FHIP1A: variants seen among roughly 807,000 people sequenced by gnomAD.
FHIP1A encodes FHF complex subunit HOOK interacting protein 1A, also known as FHF complex subunit HOOK-interacting protein 1A.
In FHIP1A, 61 loss-of-function variants were observed where a neutral mutation model predicts 88.6. The observed-to-expected ratio is 0.69, with a 90% confidence interval of 0.56 to 0.85. FHIP1A has a LOEUF of 0.85. Among genes scored for constraint, FHIP1A ranks in the 40% least tolerant of loss-of-function variants. The pLI, the probability that FHIP1A is intolerant of heterozygous loss-of-function variation, is 0.00. For synonymous variants in FHIP1A, 478 were observed against 496.0 expected (o/e 0.96, Z 0.48); for missense variants, 1,154 against 1,273.5 (o/e 0.91, Z 1.43).
At chr4:151,612,932 G>C (rs578056697) in intron 7 of FHIP1A, among the ~76,000 whole-genome samples, 2 of 152,232 alleles carry the variant, frequency 1.3e-5, no homozygotes, top group African/African-American at 4.8e-5. Flanking sequence ...TAGTGCTAGA[G>C]ACGCGACACC....
chr4:151,530,425 TCCTCAGTTAGGTA>T (rs1248522777), intron 3 of FHIP1A, among the ~76,000 whole-genome samples: 1 of 152,188 alleles, frequency 6.6e-6, no homozygotes. Context: ...CCACTGCCTC[TCCTCAGTTAGGTA>T]CCTTCCTGAT....
chr4:151,477,456 C>T (rs1045067390), intron 2 of FHIP1A, among the ~76,000 whole-genome samples: 15 of 152,000 alleles, frequency 9.9e-5, no homozygotes, highest in African/African-American at 3.4e-4. Flanking sequence ...TATGTACATA[C>T]GGCCCTTCTA....
intron 1 of FHIP1A, among the ~76,000 whole-genome samples, chr4:151,429,332 G>T (rs1487025475): frequency 1.3e-5 from 2 of 152,196 alleles, no homozygotes; most frequent in Admixed American, 1.3e-4. Flanking sequence ...TAACATGAAA[G>T]AATGGAATTA....
Position 151,662,834 on chromosome 4 carries a change from T to C in FHIP1A, c.*80T>C. On this transcript the variant is annotated 3_prime_UTR_variant, in exon 14 of 14. Coordinates refer to ENST00000435205, the MANE Select transcript of FHIP1A (RefSeq NM_001109977.3). Reference sequence around the variant, plus strand: ...ACTGAATGTTAAATGCAAAGCTGCTTACAAAGATTTCTACTTTAATGTTTC... The same window carrying C: ...ACTGAATGTTAAATGCAAAGCTGCTCACAAAGATTTCTACTTTAATGTTTC... 2 of 1,263,506 alleles carry C rather than the reference T, an allele frequency of 1.6e-6. No homozygotes were observed. The highest frequency in any genetic ancestry group is 1.8e-5 in the South Asian group (1 of 56,650). 78.3% of individuals were successfully genotyped at this position (1,263,506 alleles called of 1,614,324 possible).
intron 3 of FHIP1A, among the ~76,000 whole-genome samples, chr4:151,519,177 A>C (rs1413073195): frequency 6.6e-6 from 1 of 152,188 alleles, no homozygotes; most frequent in Non-Finnish European, 1.5e-5. Flanking sequence ...AGTCTGTCAT[A>C]ATATAGATTA....
intron 3 of FHIP1A, among the ~76,000 whole-genome samples, chr4:151,528,882 T>C (rs1731776112): frequency 6.6e-6 from 1 of 152,216 alleles, no homozygotes; most frequent in South Asian, 2.1e-4. Context: ...TGAGAGCTTC[T>C]GGACTTTATT....
At chr4:151,647,325 A>C (rs963169786) in intron 10 of FHIP1A, among the ~76,000 whole-genome samples, 30 of 152,288 alleles carry the variant, frequency 2.0e-4, no homozygotes, top group Non-Finnish European at 3.5e-4. Flanking sequence ...ATCTCTGTCA[A>C]CCTTGGCCCT....
At chr4:151,550,606 T>C (rs1050853968) in intron 3 of FHIP1A, among the ~76,000 whole-genome samples, 1 of 152,194 alleles carries the variant, frequency 6.6e-6, no homozygotes, top group Non-Finnish European at 1.5e-5. Flanking sequence ...CTAGCAAAGG[T>C]AATATTCTTT....
intron 7 of FHIP1A, among the ~76,000 whole-genome samples, chr4:151,600,559 G>A (rs940315803): frequency 6.6e-6 from 1 of 152,186 alleles, no homozygotes; most frequent in African/African-American, 2.4e-5. Flanking sequence ...CTCAAACTTA[G>A]TGACTTAAAA....
chr4:151,438,622 T>TTTTTA (rs10642156), intron 1 of FHIP1A, among the ~76,000 whole-genome samples: 1 of 149,634 alleles, frequency 6.7e-6, no homozygotes, highest in Non-Finnish European at 1.5e-5. Context: ...TTTTTTTTTT[T>TTTTTA]AAAGGCAAAA....
At chr4:151,657,291 T>A (rs1017212440) in intron 13 of FHIP1A, among the ~76,000 whole-genome samples, 1 of 152,226 alleles carries the variant, frequency 6.6e-6, no homozygotes, top group African/African-American at 2.4e-5. Flanking sequence ...GTGTTCTCTT[T>A]ATTATGTTTT....
intron 2 of FHIP1A, among the ~76,000 whole-genome samples, chr4:151,456,528 T>G (rs1010707096): frequency 6.6e-6 from 1 of 152,166 alleles, no homozygotes; most frequent in African/African-American, 2.4e-5. Context: ...CTTATGGGAC[T>G]TCTTAAGGGC....
chr4:151,643,940 C>G (rs148433330), intron 9 of FHIP1A, among the ~76,000 whole-genome samples: 1 of 152,326 alleles, frequency 6.6e-6, no homozygotes, highest in African/African-American at 2.4e-5. Context: ...AAGCTACCCA[C>G]TGGTGATATT....
chr4:151,459,594 A>G (rs973159534), intron 2 of FHIP1A, among the ~76,000 whole-genome samples: 6 of 152,194 alleles, frequency 3.9e-5, no homozygotes, highest in African/African-American at 1.4e-4. Context: ...ATTTGGCCAG[A>G]TCTCAAGTGA....
chr4:151,530,218 G>C (rs1731821919), intron 3 of FHIP1A, among the ~76,000 whole-genome samples: 1 of 152,172 alleles, frequency 6.6e-6, no homozygotes, highest in South Asian at 2.1e-4. Flanking sequence ...GAGCATTCCT[G>C]AAGTAGATCC....
intron 3 of FHIP1A, among the ~76,000 whole-genome samples, chr4:151,495,625 CTTT>C: frequency 7.4e-6 from 1 of 135,102 alleles, no homozygotes; most frequent in Admixed American, 7.4e-5. Flanking sequence ...GCTATATATT[CTTT>C]TTTTTTTTTT....
chr4:151,481,625 G>A (rs1729897913), intron 2 of FHIP1A, among the ~76,000 whole-genome samples: 1 of 151,996 alleles, frequency 6.6e-6, no homozygotes, highest in Non-Finnish European at 1.5e-5. Context: ...TAAAAGAATG[G>A]CTACTCCATA....
At chr4:151,481,102 C>T (rs1729880177) in intron 2 of FHIP1A, among the ~76,000 whole-genome samples, 1 of 151,978 alleles carries the variant, frequency 6.6e-6, no homozygotes, top group South Asian at 2.1e-4. Context: ...CCCCTCAACC[C>T]ATCTAAAGAT....
chr4:151,621,780 C>G (rs1337643779), intron 7 of FHIP1A, among the ~76,000 whole-genome samples: 1 of 151,416 alleles, frequency 6.6e-6, no homozygotes, highest in African/African-American at 2.4e-5. Flanking sequence ...TAGGGAGAAG[C>G]CTGAGGAAGC....
Sources: allele counts gnomAD v4.1 joint callset (sites outside exome capture counted in the v4.1 genomes callset), GRCh38; gene constraint gnomAD v4.1.1; transcripts MANE v1.5; gene names NCBI Gene and HGNC (gene_info 2026-07-23, HGNC 2026-07-21).